DAP: variants seen among roughly 807,000 people sequenced by gnomAD.
DAP encodes death-associated protein 1.
In DAP, 8 loss-of-function variants were observed where a neutral mutation model predicts 13.8. The observed-to-expected ratio is 0.58, with a 90% CI of 0.34 to 1.05. DAP has a LOEUF of 1.05. DAP is among the 50% of genes least tolerant of loss of function. The pLI, the probability that DAP is intolerant of heterozygous loss-of-function variation, is 0.03. For missense variants in DAP, 106 were observed against 133.2 expected (o/e 0.80, Z 1.01); for synonymous variants, 47 against 47.5 (o/e 0.99, Z 0.04).
At chr5:10,725,124 G>A (rs778550369) in intron 2 of DAP, among the ~76,000 whole-genome samples, 1 of 152,134 alleles carries the variant, frequency 6.6e-6, no homozygotes, top group Non-Finnish European at 1.5e-5. Flanking sequence ...TGTTTGTTTT[G>A]GGCCCATTTG....
At chr5:10,742,184 TC>T (rs1739774205) in intron 2 of DAP, among the ~76,000 whole-genome samples, 1 of 152,230 alleles carries the variant, frequency 6.6e-6, no homozygotes, top group African/African-American at 2.4e-5. Flanking sequence ...GCTTGTTAAT[TC>T]AATTATTTAT....
At chr5:10,708,238 TG>T (rs1738747487) in intron 2 of DAP, among the ~76,000 whole-genome samples, 1 of 152,212 alleles carries the variant, frequency 6.6e-6, no homozygotes, top group East Asian at 1.9e-4. Context: ...ATTTTCAGTA[TG>T]ACCCACAATA....
At chr5:10,751,728 A>G (rs1740052305) in intron 1 of DAP, among the ~76,000 whole-genome samples, 1 of 152,202 alleles carries the variant, frequency 6.6e-6, no homozygotes, top group Admixed American at 6.5e-5. Flanking sequence ...TGGTGTCTCT[A>G]TAAGAGAAAG....
At position 10,692,848 on chromosome 5, in the gene DAP, G is replaced by T. The variant is rs547179811; in HGVS notation, c.153-9277C>A. Among the ~76,000 whole-genome samples, 3 of 152,290 alleles carry T rather than the reference G, an allele frequency of 2.0e-5. No individual in the cohort carries two copies. In the East Asian group the frequency reaches 5.8e-4, roughly 29 times the overall value. ...GGACTGCTACTGACAGGCAACTTGT[G>T]AACAAAGTAATTTGTATCTGCTGCC... On this transcript the variant is annotated intron_variant, in intron 2 of 3. Transcript: ENST00000230895.
At chr5:10,723,609 T>C (rs562489639) in intron 2 of DAP, among the ~76,000 whole-genome samples, 1 of 152,302 alleles carries the variant, frequency 6.6e-6, no homozygotes, top group East Asian at 1.9e-4. Context: ...ACAAAACAAT[T>C]CTTGAGCATT....
intron 2 of DAP, among the ~76,000 whole-genome samples, chr5:10,726,488 G>T (rs570004198): frequency 6.6e-6 from 1 of 152,358 alleles, no homozygotes; most frequent in South Asian, 2.1e-4. Context: ...CAGATTCTCA[G>T]GTGATCTGCA....
intron 2 of DAP, among the ~76,000 whole-genome samples, chr5:10,704,298 T>G (rs186994522): frequency 1.3e-5 from 2 of 152,304 alleles, no homozygotes; most frequent in African/African-American, 4.8e-5. Flanking sequence ...CTAAGTAGGA[T>G]TTAGGGACCA....
chr5:10,730,964 C>A (rs1186302333), intron 2 of DAP, among the ~76,000 whole-genome samples: 1 of 88,432 alleles, frequency 1.1e-5, no homozygotes, highest in Non-Finnish European at 2.2e-5. Flanking sequence ...GTACTGAGAG[C>A]CATGGTGGGG....
chr5:10,696,052 T>G (rs1021035558), intron 2 of DAP, among the ~76,000 whole-genome samples: 17 of 152,184 alleles, frequency 1.1e-4, no homozygotes, highest in African/African-American at 4.1e-4. Flanking sequence ...AAAGCTCCTG[T>G]GTGCCCAGCA....
chr5:10,758,705 C>G (rs891868662), intron 1 of DAP, among the ~76,000 whole-genome samples: 1 of 152,192 alleles, frequency 6.6e-6, no homozygotes, highest in African/African-American at 2.4e-5. Context: ...AAAAACTGAG[C>G]CCCAGTGAAG....
intron 2 of DAP, among the ~76,000 whole-genome samples, chr5:10,730,422 A>G (rs771280133): frequency 2.0e-5 from 3 of 151,832 alleles, no homozygotes; most frequent in Non-Finnish European, 4.4e-5. Flanking sequence ...GGTGGGGGGG[A>G]ATCTTTCTCT....
chr5:10,683,403 C>A, intron 3 of DAP, 126 bp downstream of exon 3: 2 of 953,354 alleles, frequency 2.1e-6, no homozygotes, highest in Non-Finnish European at 1.7e-6. Flanking sequence ...AGAGCCATGG[C>A]CACAGAGGAG....
intron 2 of DAP, among the ~76,000 whole-genome samples, chr5:10,725,873 C>G (rs1181736798): frequency 6.6e-6 from 1 of 152,152 alleles, no homozygotes; most frequent in Non-Finnish European, 1.5e-5. Context: ...ATATACCTGA[C>G]CACAAAAGAG....
chr5:10,758,678 C>T (rs938847204), intron 1 of DAP, among the ~76,000 whole-genome samples: 9 of 152,148 alleles, frequency 5.9e-5, no homozygotes, highest in Admixed American at 1.3e-4. Flanking sequence ...GCCCAAACCT[C>T]GAATTTCATA....
chr5:10,710,180 C>A (rs1478706406), intron 2 of DAP, among the ~76,000 whole-genome samples: 1 of 152,240 alleles, frequency 6.6e-6, no homozygotes, highest in Non-Finnish European at 1.5e-5. Context: ...GCCCCGAAGC[C>A]TCAGGGAGAG....
intron 2 of DAP, among the ~76,000 whole-genome samples, chr5:10,730,474 C>T (rs1360214412): frequency 6.6e-6 from 1 of 150,966 alleles, no homozygotes. Context: ...CTACTGAGAA[C>T]CCTGGTTGGG....
chr5:10,696,793 C>T (rs183398114), intron 2 of DAP, among the ~76,000 whole-genome samples: 1 of 152,292 alleles, frequency 6.6e-6, no homozygotes, highest in Non-Finnish European at 1.5e-5. Context: ...CCAGCGGGCC[C>T]ACCTTGAGTT....
chr5:10,717,354 G>C (rs915880002), intron 2 of DAP, among the ~76,000 whole-genome samples: 2 of 152,124 alleles, frequency 1.3e-5, no homozygotes, highest in African/African-American at 2.4e-5. Context: ...GCACAGCCTC[G>C]CCAGGTGTCT....
chr5:10,688,878 G>A (rs1349385533), intron 2 of DAP, among the ~76,000 whole-genome samples: 2 of 152,106 alleles, frequency 1.3e-5, no homozygotes, highest in African/African-American at 4.8e-5. Flanking sequence ...AGGCTCCTTG[G>A]TTGAGCCCAG....
Sources: allele counts gnomAD v4.1 joint callset (sites outside exome capture counted in the v4.1 genomes callset), GRCh38; gene constraint gnomAD v4.1.1; transcripts MANE v1.5; gene names NCBI Gene and HGNC (gene_info 2026-07-23, HGNC 2026-07-21).